A1CF: variants seen among roughly 807,000 people sequenced by gnomAD.
The protein encoded by A1CF is APOBEC-1 stimulating protein.
Under a neutral mutation model 68.9 loss-of-function variants are expected in A1CF, and 48 were observed. The observed-to-expected ratio is 0.70, with a 90% CI of 0.55 to 0.89. A1CF has a LOEUF of 0.89. A1CF is among the 40% of genes least tolerant of loss of function. The probability of loss-of-function intolerance (pLI) is 0.00; values close to 1 mark genes in which losing one functional copy is unlikely to be tolerated. For missense variants in A1CF, 653 were observed against 718.9 expected (o/e 0.91, Z 1.05); for synonymous variants, 272 against 260.4 (o/e 1.04, Z -0.43).
intron 2 of A1CF, among the ~76,000 whole-genome samples, chr10:50,863,312 T>C (rs1398514108): frequency 6.6e-6 from 1 of 152,222 alleles, no homozygotes; most frequent in African/African-American, 2.4e-5. Context: ...CAAACTTTTA[T>C]TAAAAAGCTT....
chr10:50,877,038 A>G lies in A1CF; in HGVS notation c.-94+8543T>C, dbSNP rs1465834146. 2.0e-5 allele frequency among the ~76,000 whole-genome samples: 3 copies of G among 152,212 alleles called. No homozygotes were observed. In the East Asian group the frequency reaches 5.8e-4, roughly 29 times the overall value. ...TATCTTTATTCAATTATGATACTCA[A>G]CTATTCCCAAAATGCCTGACTTCTA... On this transcript the variant is annotated intron_variant, in intron 1 of 12. Coordinates refer to ENST00000373997, the MANE Select transcript of A1CF (RefSeq NM_014576.4).
intron 1 of A1CF, among the ~76,000 whole-genome samples, chr10:50,881,492 T>A (rs991328749): frequency 1.3e-5 from 2 of 152,176 alleles, no homozygotes; most frequent in African/African-American, 4.8e-5. Context: ...CTATAAGAAA[T>A]TTGCCATTAA....
intron 3 of A1CF, among the ~76,000 whole-genome samples, chr10:50,852,917 T>A (rs1235144312): frequency 6.6e-6 from 1 of 152,038 alleles, no homozygotes; most frequent in Non-Finnish European, 1.5e-5. Context: ...AGATGGAGAG[T>A]TAGCTTAATT....
At chr10:50,838,183 A>G (rs1410866832) in intron 5 of A1CF, among the ~76,000 whole-genome samples, 1 of 152,146 alleles carries the variant, frequency 6.6e-6, no homozygotes, top group Non-Finnish European at 1.5e-5. Flanking sequence ...CCATGGAGCG[A>G]ATGGCTCTTG....
chr10:50,835,944 G>T (rs1839466515), intron 6 of A1CF, 130 bp downstream of exon 6: 1 of 848,716 alleles, frequency 1.2e-6, no homozygotes, highest in Non-Finnish European at 1.8e-6. Context: ...GTGAGACAGT[G>T]AAGAAGGATA....
intron 2 of A1CF, among the ~76,000 whole-genome samples, chr10:50,861,767 T>C (rs1840757506): frequency 6.8e-6 from 1 of 147,988 alleles, no homozygotes. Flanking sequence ...ATGATTATAG[T>C]AATACTAATC....
intron 12 of A1CF, 70 bp from the exon 13 acceptor site, chr10:50,806,950 CT>C: frequency 6.8e-7 from 1 of 1,478,676 alleles, no homozygotes; most frequent in Non-Finnish European, 9.2e-7. Context: ...TATTTGTCTT[CT>C]TTTAGAAATA....
At chr10:50,856,938 A>G (rs1046722999) in intron 3 of A1CF, among the ~76,000 whole-genome samples, 4 of 152,140 alleles carry the variant, frequency 2.6e-5, no homozygotes, top group Non-Finnish European at 5.9e-5. Context: ...TATTTTCTCT[A>G]TCAGATAAAT....
chr10:50,818,435 A>G (rs974981217), intron 8 of A1CF, among the ~76,000 whole-genome samples: 4 of 151,974 alleles, frequency 2.6e-5, no homozygotes, highest in Non-Finnish European at 5.9e-5. Context: ...ATTTAACTAA[A>G]TAATATGTGT....
chr10:50,851,514 A>G (rs1840238980), intron 3 of A1CF, among the ~76,000 whole-genome samples: 1 of 152,232 alleles, frequency 6.6e-6, no homozygotes, highest in Non-Finnish European at 1.5e-5. Context: ...TATTGTTCTT[A>G]TAAGTGGAAT....
In A1CF at chr10:50,805,691, A is replaced by T. The variant is rs1282223315; in HGVS notation, c.*1038T>A. 2.0e-5 allele frequency: 3 copies of T among 152,332 alleles called. No homozygotes were observed. Among genetic ancestry groups the T allele is most frequent in the African/African-American group, 7.2e-5 (3 of 41,596 alleles). 9.4% of individuals were successfully genotyped at this position (152,332 alleles called of 1,614,324 possible). A position where few individuals can be genotyped will look rare whatever the true frequency, so the allele number is the denominator to read the frequency against. On this transcript the variant is annotated 3_prime_UTR_variant, in exon 13 of 13. Transcript: ENST00000373997. ...AGATTTAAAATAAATGGGTTAGATA[A>T]TGCAAAGCTAATCCCAAGTTAATAT...
chr10:50,839,778 G>A (rs955868952), intron 5 of A1CF, among the ~76,000 whole-genome samples: 36 of 152,262 alleles, frequency 2.4e-4, no homozygotes, highest in Middle Eastern at 3.4e-3. Context: ...ACAGAGTTTC[G>A]CTCTTCTTGC....
chr10:50,884,211 A>G (rs1589061403), intron 1 of A1CF, among the ~76,000 whole-genome samples: 3 of 152,254 alleles, frequency 2.0e-5, no homozygotes, highest in South Asian at 2.1e-4. Context: ...GCATTAGTGC[A>G]GTAGAAAATA....
At position 50,859,891 on chromosome 10, in the gene A1CF, T is replaced by C; in HGVS notation, c.50A>G (p.Glu17Gly). 6.2e-7 allele frequency: 1 copy of C among 1,614,028 alleles called. No individual in the cohort carries two copies. The highest frequency in any genetic ancestry group is 8.5e-7 in the Non-Finnish European group (1 of 1,179,946). ...SGDGLSGTQK[E>G]AALRALVQRT... ...CTGGACCAGTGCGCGGAGGGCTGCT[T>C]CCTTCTGAGTGCCGCTCAATCCATC... Residue 17 changes from glutamate to glycine, a missense_variant, in exon 3 of 13, where the codon GAA (glutamate) becomes GGA (glycine). Glu to Gly is a moderately conservative substitution (Grantham distance 98). Coordinates refer to ENST00000373997, the MANE Select transcript of A1CF (RefSeq NM_014576.4).
rs1837759355 is a variant in A1CF at position 50,805,065 on chromosome 10, G to A, written c.*1664C>T. On this transcript the variant is annotated 3_prime_UTR_variant, in exon 13 of 13. Transcript: ENST00000373997. ...CAGAGTTTCAGCTGTAGCCTTGGAG[G>A]CTTTGTTATCTCATTGGAGTTAGGA... 1 of 152,190 alleles carries A rather than the reference G, an allele frequency of 6.6e-6. No individual in the cohort carries two copies. The highest frequency in any genetic ancestry group is 6.5e-5 in the Admixed American group (1 of 15,278). The allele number at this position is 152,190 out of a possible 1,614,324, so 9.4% of individuals were successfully genotyped here.
At chr10:50,840,813 G>C (rs756058440) in intron 5 of A1CF, among the ~76,000 whole-genome samples, 1 of 152,092 alleles carries the variant, frequency 6.6e-6, no homozygotes, top group Non-Finnish European at 1.5e-5. Context: ...GCCCTAAAAG[G>C]TCCTTCCTCT....
rs1274214420 is a variant in A1CF, at chr10:50,801,486, T to C, written c.*5243A>G. ...TAAGAGGGATCATTGTTAATATTTA[T>C]AGAAGGACAGCAGACCTAAGCCAGG... On this transcript the variant is annotated 3_prime_UTR_variant, in exon 13 of 13. Coordinates refer to ENST00000373997, the MANE Select transcript of A1CF (RefSeq NM_014576.4). 1 of 152,206 alleles carries C rather than the reference T, an allele frequency of 6.6e-6. No homozygotes were observed. The highest frequency in any genetic ancestry group is 1.5e-5 in the Non-Finnish European group (1 of 68,046). 9.4% of individuals were successfully genotyped at this position (152,206 alleles called of 1,614,324 possible). A position where few individuals can be genotyped will look rare whatever the true frequency, so the allele number is the denominator to read the frequency against.
Position 50,859,912 on chromosome 10 carries a change from C to A in A1CF, c.29G>T (p.Gly10Val), listed in dbSNP as rs1840665554. 6.2e-7 allele frequency: 1 copy of A among 1,613,856 alleles called. No homozygotes were observed. Among genetic ancestry groups the A allele is most frequent in the East Asian group, 2.2e-5 (1 of 44,874 alleles). MESNHKSGDGLSGTQKEAAL... is the reference protein window; with the variant it reads MESNHKSGDVLSGTQKEAAL... ...TGCTTCCTTCTGAGTGCCGCTCAAT[C>A]CATCCCCGGATTTGTGATTTGATTC... The change falls in exon 3 of 13, where the codon GGA (glycine) becomes GTA (valine). Residue 10 changes from glycine (G) to valine (V), a missense_variant. By Grantham distance (109) the Gly-to-Val change is moderately radical. Coordinates refer to ENST00000373997, the MANE Select transcript of A1CF (RefSeq NM_014576.4).
intron 3 of A1CF, among the ~76,000 whole-genome samples, chr10:50,846,790 TC>T (rs1840019993): frequency 6.6e-6 from 1 of 152,236 alleles, no homozygotes; most frequent in African/African-American, 2.4e-5. Flanking sequence ...TAATTGTCTT[TC>T]TTTGTTTTTT....
Sources: gnomAD v4.1 joint callset for allele counts (sites outside exome capture counted in the v4.1 genomes callset) on GRCh38, gnomAD v4.1.1 for gene constraint, MANE v1.5 for transcripts, NCBI Gene and HGNC (gene_info 2026-07-23, HGNC 2026-07-21) for gene names.